CHST4: variants seen among roughly 807,000 people sequenced by gnomAD.
The protein encoded by CHST4 is carbohydrate sulfotransferase 4.
For missense variants in CHST4, 466 were observed against 506.0 expected (o/e 0.92, Z 0.76); for synonymous variants, 171 against 195.5 (o/e 0.87, Z 1.05).
Position 71,537,642 on chromosome 16 carries a change from C to T in CHST4, c.965C>T (p.Thr322Ile), listed in dbSNP as rs777985737. ...GKGMGDHAFH[T>I]NARDALNVSQ... The stretch of plus-strand genomic sequence containing the variant: ...GGCATGGGTGACCACGCTTTCCACA[C>T]AAATGCCAGGGATGCCCTTAATGTC... Residue 322 changes from threonine to isoleucine, a missense_variant, in exon 2 of 2, where the codon ACA becomes ATA. Thr to Ile is a moderately conservative substitution (Grantham distance 89). Transcript: ENST00000539698. The surrounding 1 kb of genome is among the most constrained non-coding windows in gnomAD (Gnocchi z 4.2). The T allele has an allele frequency of 6.2e-7, 1 of 1,614,210 alleles. No homozygotes were observed. Among genetic ancestry groups the T allele is most frequent in the South Asian group, 1.1e-5 (1 of 91,080 alleles).
intron 1 of CHST4, among the ~76,000 whole-genome samples, chr16:71,535,034 G>A (rs1013460020): frequency 6.6e-6 from 1 of 152,204 alleles, no homozygotes; most frequent in Admixed American, 6.5e-5. Context: ...TTCACACGAA[G>A]CAAGCCCTGA....
At position 71,538,104 on chromosome 16, in the gene CHST4, G is replaced by A. The variant is rs964912929; in HGVS notation, c.*266G>A. On this transcript the variant is annotated 3_prime_UTR_variant, in exon 2 of 2. Coordinates refer to ENST00000539698, the MANE Select transcript of CHST4 (RefSeq NM_001166395.2). Reference sequence around the variant, plus strand: ...TCTTCTTTTCTTGATCTTCCTGTCTGGGCAGACTTCAGAGACTTTGTGGCC... The same window carrying A: ...TCTTCTTTTCTTGATCTTCCTGTCTAGGCAGACTTCAGAGACTTTGTGGCC... 17 of 491,576 alleles carry A rather than the reference G, an allele frequency of 3.5e-5. No individual in the cohort carries two copies. Among genetic ancestry groups the A allele is most frequent in the African/African-American group, 1.7e-4 (9 of 51,560 alleles). The allele number at this position is 491,576 out of a possible 1,614,324, so 30.5% of individuals were successfully genotyped here. A position where few individuals can be genotyped will look rare whatever the true frequency, so the allele number is the denominator to read the frequency against.
In CHST4 at chr16:71,536,933, A is replaced by AC. The variant is rs1437935920; in HGVS notation, c.258dup (p.Ala87ArgfsTer24). On this transcript the variant is annotated frameshift_variant, in exon 2 of 2. Transcript: ENST00000539698. LOFTEE classifies it low-confidence loss of function (END_TRUNC). ...CGTGTGGATGACCTTCAAGCAGAGCACCGCCTGGATGCTGCACATGGCTGT... is the reference window on the plus strand; with the variant it reads ...CGTGTGGATGACCTTCAAGCAGAGCACCCGCCTGGATGCTGCACATGGCTGT... 6.2e-7 allele frequency: 1 copy of AC among 1,612,044 alleles called. No homozygotes were observed. The highest frequency in any genetic ancestry group is 1.3e-5 in the African/African-American group (1 of 74,858).
In CHST4 at chr16:71,537,117, T is replaced by C. The variant is rs776901287; in HGVS notation, c.440T>C (p.Ile147Thr). 6.2e-7 allele frequency: 1 copy of C among 1,614,032 alleles called. No individual in the cohort carries two copies. The highest frequency in any genetic ancestry group is 2.2e-5 in the East Asian group (1 of 44,872). Residue 147 changes from isoleucine (I) to threonine (T), a missense_variant, in exon 2 of 2, where the codon ATC becomes ACC. Physicochemically the swap from Ile to Thr is moderately conservative, Grantham distance 89 (BLOSUM62 -1). Coordinates refer to ENST00000539698, the MANE Select transcript of CHST4 (RefSeq NM_001166395.2). The surrounding 1 kb of genome is among the most constrained non-coding windows in gnomAD (Gnocchi z 4.2). ...GACATCATCCCACAAGATGAAATCA[T>C]CCCCCGGGCTCACTGCAGGCTCCTG... ...ACDIIPQDEI[I>T]PRAHCRLLCS...
At chr16:71,533,037 T>A (rs1470444135) in intron 1 of CHST4, among the ~76,000 whole-genome samples, 1 of 152,016 alleles carries the variant, frequency 6.6e-6, no homozygotes, top group Non-Finnish European at 1.5e-5. Context: ...TTTTTTTGAT[T>A]TTTTTTTGCA....
chr16:71,534,510 A>G (rs1415231276), intron 1 of CHST4, among the ~76,000 whole-genome samples: 1 of 151,958 alleles, frequency 6.6e-6, no homozygotes, highest in Admixed American at 6.6e-5. Flanking sequence ...GGCACCAGCC[A>G]ACACGTCCAG....
In CHST4 at chr16:71,537,009, C is replaced by T; in HGVS notation, c.332C>T (p.Ala111Val). The T allele has an allele frequency of 6.2e-7, 1 of 1,614,028 alleles. No homozygotes were observed. Among genetic ancestry groups the T allele is most frequent in the Non-Finnish European group, 8.5e-7 (1 of 1,179,966 alleles). The change falls in exon 2 of 2, where the codon GCC becomes GTC. Residue 111 changes from alanine to valine, a missense_variant. Coordinates refer to ENST00000539698, the MANE Select transcript of CHST4 (RefSeq NM_001166395.2). This position sits in a 1 kb window ranked among gnomAD's most constrained non-coding sequence, Gnocchi z 4.2. ...TTGTGCGACATGAGCGTCTTTGATG[C>T]CTACATGGAACCTGGTCCCCGGAGA... Reference protein sequence around the residue: ...VFLCDMSVFDAYMEPGPRRQS... With the variant: ...VFLCDMSVFDVYMEPGPRRQS...
intron 1 of CHST4, among the ~76,000 whole-genome samples, chr16:71,527,345 G>A (rs982851470): frequency 5.3e-5 from 8 of 152,156 alleles, no homozygotes; most frequent in Admixed American, 2.0e-4. Flanking sequence ...GACCATGGCC[G>A]GTGACACAGC....
chr16:71,537,584 C>A lies in CHST4; in HGVS notation c.907C>A (p.Gln303Lys), dbSNP rs751240118. Reference protein sequence around the residue: ...FVGLEFLPHLQTWVHNITRGK... With the variant: ...FVGLEFLPHLKTWVHNITRGK... ...GGGATTGGAATTCTTGCCCCATCTT[C>A]AGACCTGGGTGCATAACATCACCCG... Residue 303 changes from glutamine to lysine, a missense_variant, in exon 2 of 2, where the codon CAG becomes AAG. Coordinates refer to ENST00000539698, the MANE Select transcript of CHST4 (RefSeq NM_001166395.2). The surrounding 1 kb of genome is among the most constrained non-coding windows in gnomAD (Gnocchi z 4.2). 1.2e-6 allele frequency: 2 copies of A among 1,614,192 alleles called. No homozygotes were observed. The highest frequency in any genetic ancestry group is 1.1e-5 in the South Asian group (1 of 91,084).
intron 1 of CHST4, among the ~76,000 whole-genome samples, chr16:71,530,160 AG>A (rs2043937309): frequency 1.3e-5 from 2 of 152,008 alleles, no homozygotes; most frequent in Non-Finnish European, 2.9e-5. Flanking sequence ...AAAAAAAAAA[AG>A]TCTCAGGAGA....
intron 1 of CHST4, among the ~76,000 whole-genome samples, chr16:71,530,679 A>C (rs986178514): frequency 6.6e-6 from 1 of 152,052 alleles, no homozygotes; most frequent in Non-Finnish European, 1.5e-5. Context: ...AGACAGGAGG[A>C]TCGAAAATCA....
intron 1 of CHST4, among the ~76,000 whole-genome samples, chr16:71,532,051 T>TC (rs2043951744): frequency 6.7e-6 from 1 of 149,016 alleles, no homozygotes; most frequent in South Asian, 2.1e-4. Flanking sequence ...TCCTGTTGTT[T>TC]TTTTTTTTTT....
Position 71,537,685 on chromosome 16 carries a change from G to C in CHST4, c.1008G>C (p.Trp336Cys). 6.2e-7 allele frequency: 1 copy of C among 1,614,220 alleles called. No individual in the cohort carries two copies. The highest frequency in any genetic ancestry group is 2.2e-5 in the East Asian group (1 of 44,886). ...DALNVSQAWR[W>C]SLPYEKVSRL... ...TTAATGTCTCCCAGGCTTGGCGCTG[G>C]TCTTTGCCCTATGAAAAGGTTTCTC... Residue 336 changes from tryptophan to cysteine, a missense_variant, in exon 2 of 2, where the codon TGG (tryptophan) becomes TGC (cysteine). By Grantham distance (215) the Trp-to-Cys change is radical (BLOSUM62 -2). Transcript: ENST00000539698. This position sits in a 1 kb window ranked among gnomAD's most constrained non-coding sequence, Gnocchi z 4.2.
chr16:71,537,440 G>A lies in CHST4; in HGVS notation c.763G>A (p.Glu255Lys). Residue 255 changes from glutamate to lysine, a missense_variant, in exon 2 of 2, where the codon GAG (glutamate) becomes AAG (lysine). Transcript: ENST00000539698. The surrounding 1 kb of genome is among the most constrained non-coding windows in gnomAD (Gnocchi z 4.2). The part of the protein sequence containing the change: ...VMQVICQSQL[E>K]IYKTIQSLPK... ...GCAGGTCATCTGCCAAAGCCAGCTG[G>A]AGATCTACAAGACCATCCAGTCCTT... 1 of 1,614,056 alleles carries A rather than the reference G, an allele frequency of 6.2e-7. No homozygotes were observed. Among genetic ancestry groups the A allele is most frequent in the Non-Finnish European group, 8.5e-7 (1 of 1,180,000 alleles).
At chr16:71,526,621 A>C (rs1456688021) in intron 1 of CHST4, 126 bp downstream of exon 1, 1 of 152,264 alleles carries the variant, frequency 6.6e-6, no homozygotes, top group East Asian at 1.9e-4. Context: ...GTTTGCGCAG[A>C]GGGGATAAAT....
Position 71,537,500 on chromosome 16 carries a change from C to A in CHST4, c.823C>A (p.Arg275Ser). 6.2e-7 allele frequency: 1 copy of A among 1,614,150 alleles called. No homozygotes were observed. The highest frequency in any genetic ancestry group is 1.7e-5 in the Admixed American group (1 of 60,016). The change falls in exon 2 of 2, where the codon CGC becomes AGC. Residue 275 changes from arginine (R) to serine (S), a missense_variant. Coordinates refer to ENST00000539698, the MANE Select transcript of CHST4 (RefSeq NM_001166395.2). This position sits in a 1 kb window ranked among gnomAD's most constrained non-coding sequence, Gnocchi z 4.2. ...KALQERYLLV[R>S]YEDLARAPVA... is the part of the protein sequence containing the mutation. Reference sequence around the variant, plus strand: ...CCTGCAGGAACGCTACCTGCTTGTGCGCTATGAGGACCTGGCTCGAGCCCC... The same window carrying A: ...CCTGCAGGAACGCTACCTGCTTGTGAGCTATGAGGACCTGGCTCGAGCCCC...
At position 71,537,704 on chromosome 16, in the gene CHST4, G is replaced by C; in HGVS notation, c.1027G>C (p.Val343Leu). The C allele has an allele frequency of 6.2e-7, 1 of 1,614,164 alleles. No individual in the cohort carries two copies. ...GCGCTGGTCTTTGCCCTATGAAAAGGTTTCTCGACTTCAGAAAGCCTGTGG... is the reference window on the plus strand; with the variant it reads ...GCGCTGGTCTTTGCCCTATGAAAAGCTTTCTCGACTTCAGAAAGCCTGTGG... ...AWRWSLPYEKVSRLQKACGDA... is the reference protein window; with the variant it reads ...AWRWSLPYEKLSRLQKACGDA... The change falls in exon 2 of 2, where the codon GTT (valine) becomes CTT (leucine). Residue 343 changes from valine to leucine, a missense_variant. Coordinates refer to ENST00000539698, the MANE Select transcript of CHST4 (RefSeq NM_001166395.2). The surrounding 1 kb of genome is among the most constrained non-coding windows in gnomAD (Gnocchi z 4.2).
At position 71,536,690 on chromosome 16, in the gene CHST4, A is replaced by T. The variant is rs200919282; in HGVS notation, c.13A>T (p.Lys5Ter). The change falls in exon 2 of 2, where the codon AAA (lysine) becomes TAA (stop). Residue 5 changes from lysine (K) to a stop codon, truncating the protein, a stop_gained. Coordinates refer to ENST00000539698, the MANE Select transcript of CHST4 (RefSeq NM_001166395.2). LOFTEE classifies it low-confidence loss of function (END_TRUNC). MLLP[K>*]KMKLLLFLVS... ...CCACTTCAGCACAATGCTACTGCCT[A>T]AAAAAATGAAGCTCCTGCTGTTTCT... 4 of 1,489,726 alleles carry T rather than the reference A, an allele frequency of 2.7e-6. No homozygotes were observed. In the African/African-American group the frequency reaches 4.2e-5, roughly 16 times the overall value. 92.3% of individuals were successfully genotyped at this position (1,489,726 alleles called of 1,614,324 possible).
intron 1 of CHST4, among the ~76,000 whole-genome samples, chr16:71,532,188 T>A (rs964457447): frequency 6.6e-6 from 1 of 151,782 alleles, no homozygotes; most frequent in Non-Finnish European, 1.5e-5. Context: ...GCTGGGACTA[T>A]AGGTGCCCGC....
Sources: gnomAD v4.1 joint callset for allele counts (sites outside exome capture counted in the v4.1 genomes callset) on GRCh38, gnomAD v4.1.1 for gene constraint, Gnocchi (gnomAD v3.1) non-coding constraint, MANE v1.5 for transcripts, NCBI Gene and HGNC (gene_info 2026-07-23, HGNC 2026-07-21) for gene names.